The following DNAJC6 variants were observed in gnomAD, a reference collection of about 807,000 sequenced individuals.
DNAJC6 encodes DnaJ heat shock protein family (Hsp40) member C6.
Under a neutral mutation model 110.0 loss-of-function variants are expected in DNAJC6, and 34 were observed. That is an observed-to-expected ratio of 0.31 (90% CI 0.24 to 0.41). The LOEUF (loss-of-function observed/expected upper bound fraction) is 0.41, where lower values mean the gene tolerates loss of function less well. Among genes scored for constraint, DNAJC6 ranks in the 10% least tolerant of loss-of-function variants. DNAJC6 has a pLI of 1.00. For missense variants in DNAJC6, 1,031 were observed against 1,207.8 expected (o/e 0.85, Z 2.17); for synonymous variants, 406 against 437.2 (o/e 0.93, Z 0.89).
intron 1 of DNAJC6, among the ~76,000 whole-genome samples, chr1:65,318,508 C>T (rs1645168010): frequency 6.6e-6 from 1 of 152,156 alleles, no homozygotes; most frequent in Non-Finnish European, 1.5e-5. Context: ...ACACAGATTC[C>T]CTACTATGCA....
intron 4 of DNAJC6, among the ~76,000 whole-genome samples, chr1:65,368,585 C>CTCTTCT (rs71895115): frequency 6.9e-6 from 1 of 145,074 alleles, no homozygotes; most frequent in Non-Finnish European, 1.5e-5. Context: ...CTTCTTCCTC[C>CTCTTCT]TCTTCTTCTT....
chr1:65,318,391 A>G (rs1159080324), intron 1 of DNAJC6, among the ~76,000 whole-genome samples: 6 of 152,174 alleles, frequency 3.9e-5, no homozygotes, highest in Admixed American at 3.9e-4. Flanking sequence ...GCCCCAGGGA[A>G]AAGAGGGCAA....
chr1:65,383,864 A>C (rs1005504906), intron 5 of DNAJC6, among the ~76,000 whole-genome samples: 45 of 152,360 alleles, frequency 3.0e-4, no homozygotes, highest in African/African-American at 1.0e-3. Flanking sequence ...CGTTACTTCC[A>C]GTCCTAAACC....
At chr1:65,270,096 C>T (rs1242100938) in intron 1 of DNAJC6, among the ~76,000 whole-genome samples, 1 of 152,110 alleles carries the variant, frequency 6.6e-6, no homozygotes, top group Non-Finnish European at 1.5e-5. Context: ...ATCACTTACC[C>T]AAAGCAATGC....
At chr1:65,378,852 G>A (rs1015511576) in intron 4 of DNAJC6, among the ~76,000 whole-genome samples, 4 of 152,134 alleles carry the variant, frequency 2.6e-5, no homozygotes, top group African/African-American at 9.7e-5. Context: ...CTTAGTTGAT[G>A]ATCCATAATG....
chr1:65,331,739 A>T (rs1236617369), intron 1 of DNAJC6, among the ~76,000 whole-genome samples: 1 of 152,180 alleles, frequency 6.6e-6, no homozygotes, highest in Non-Finnish European at 1.5e-5. Flanking sequence ...CTTTTATACC[A>T]TGTTTGCTGA....
At chr1:65,332,529 G>A (rs752328068) in intron 1 of DNAJC6, among the ~76,000 whole-genome samples, 12 of 152,322 alleles carry the variant, frequency 7.9e-5, no homozygotes, top group Non-Finnish European at 1.0e-4. Context: ...CTCATTATCA[G>A]CAATGACTCC....
intron 1 of DNAJC6, among the ~76,000 whole-genome samples, chr1:65,289,119 G>A (rs1299055561): frequency 4.6e-5 from 7 of 152,148 alleles, no homozygotes; most frequent in Non-Finnish European, 1.0e-4. Flanking sequence ...GTTGTACCAA[G>A]TTTTACTCCT....
intron 1 of DNAJC6, among the ~76,000 whole-genome samples, chr1:65,360,291 A>T (rs917696592): frequency 2.0e-5 from 3 of 152,210 alleles, no homozygotes; most frequent in African/African-American, 7.2e-5. Context: ...ATTTGAATAT[A>T]TGAAGGTTAC....
chr1:65,392,555 G>A lies in DNAJC6; in HGVS notation c.1593G>A (p.Lys531=), dbSNP rs752730559. 12 of 1,613,998 alleles carry A rather than the reference G, an allele frequency of 7.4e-6. No individual in the cohort carries two copies. In the East Asian group the frequency reaches 2.2e-4, roughly 30 times the overall value. The change falls in exon 12 of 19, where the codon AAG becomes AAA. Residue 531 remains lysine, a synonymous_variant. Transcript: ENST00000371069. ...CGCATGGCAATGCCAATGGTGACAA[G>A]CCTCATGGAGTCAAGAAGCCCAGCA... ...SSPHGNANGD[K]PHGVKKPSKK... is the part of the protein sequence containing the mutation.
At chr1:65,382,219 A>G (rs1018931125) in intron 5 of DNAJC6, among the ~76,000 whole-genome samples, 1 of 152,244 alleles carries the variant, frequency 6.6e-6, no homozygotes, top group Non-Finnish European at 1.5e-5. Context: ...AACATTTCAC[A>G]TGACTAATAG....
chr1:65,412,074 A>G (rs1646134643), intron 18 of DNAJC6, among the ~76,000 whole-genome samples: 2 of 152,244 alleles, frequency 1.3e-5, no homozygotes, highest in African/African-American at 2.4e-5. Flanking sequence ...ATACAGCAGT[A>G]TAGTTAGCTA....
chr1:65,305,977 T>C (rs1427419350), upstream of DNAJC6, among the ~76,000 whole-genome samples: 2 of 152,144 alleles, frequency 1.3e-5, no homozygotes, highest in Non-Finnish European at 2.9e-5. Flanking sequence ...TAATCCTCAC[T>C]TTACAGAGGA....
chr1:65,311,233 T>G (rs1163925161), intron 1 of DNAJC6, among the ~76,000 whole-genome samples: 1 of 139,864 alleles, frequency 7.1e-6, no homozygotes, highest in Non-Finnish European at 1.5e-5. Flanking sequence ...TTTTTTTTTT[T>G]TTTTTTTTTG....
intron 1 of DNAJC6, among the ~76,000 whole-genome samples, chr1:65,352,050 G>A (rs1645495674): frequency 6.6e-6 from 1 of 152,140 alleles, no homozygotes; most frequent in South Asian, 2.1e-4. Flanking sequence ...ACAGGTGTGG[G>A]CCACTGCACC....
At chr1:65,266,311 T>C (rs1653329474) in intron 1 of DNAJC6, among the ~76,000 whole-genome samples, 1 of 150,964 alleles carries the variant, frequency 6.6e-6, no homozygotes. Context: ...CTAATGCCAA[T>C]GGAGAGAATG....
chr1:65,409,190 C>G (rs953098148), intron 17 of DNAJC6, among the ~76,000 whole-genome samples: 31 of 152,238 alleles, frequency 2.0e-4, no homozygotes, highest in African/African-American at 7.2e-4. Flanking sequence ...ACCATCACCT[C>G]TGGAGTTAGA....
chr1:65,392,299 T>A, intron 11 of DNAJC6, 132 bp from the exon 12 acceptor site: 1 of 797,262 alleles, frequency 1.3e-6, no homozygotes, highest in South Asian at 2.1e-5. Flanking sequence ...TTCCACTGAT[T>A]AGGGTCTAAA....
At chr1:65,304,267 A>C (rs1052739470) in intron 1 of DNAJC6, among the ~76,000 whole-genome samples, 1 of 152,222 alleles carries the variant, frequency 6.6e-6, no homozygotes, top group Middle Eastern at 3.4e-3. Context: ...TCAAACACCA[A>C]GAACAGATAT....
Sources: gnomAD v4.1 joint callset for allele counts (sites outside exome capture counted in the v4.1 genomes callset) on GRCh38, gnomAD v4.1.1 for gene constraint, MANE v1.5 for transcripts, NCBI Gene and HGNC (gene_info 2026-07-23, HGNC 2026-07-21) for gene names.